BMS1: variants seen among roughly 807,000 people sequenced by gnomAD.
The protein encoded by BMS1 is BMS1 ribosome biogenesis factor.
A neutral mutation model predicts 138.7 loss-of-function variants in BMS1; 53 were observed. The ratio of observed to expected loss-of-function variants is 0.38; its 90% CI spans 0.31 to 0.48. The LOEUF (loss-of-function observed/expected upper bound fraction) is 0.48, where lower values mean the gene tolerates loss of function less well. Among genes scored for constraint, BMS1 ranks in the 20% least tolerant of loss-of-function variants. The pLI is 0.97. For missense variants in BMS1, 1,360 were observed against 1,565.5 expected (o/e 0.87, Z 2.22); for synonymous variants, 504 against 539.9 (o/e 0.93, Z 0.92).
At chr10:42,802,596 C>T (rs1290317125) in intron 13 of BMS1, among the ~76,000 whole-genome samples, 2 of 151,744 alleles carry the variant, frequency 1.3e-5, no homozygotes, top group Non-Finnish European at 2.9e-5. Flanking sequence ...ATTCTACCAA[C>T]CCATAAAAAA....
At chr10:42,823,522 G>A in intron 20 of BMS1, 87 bp from the exon 21 acceptor site, 2 of 1,314,162 alleles carry the variant, frequency 1.5e-6, no homozygotes, top group South Asian at 3.3e-5. Flanking sequence ...AGAGAAGTTT[G>A]GAGTGAAGGT....
At chr10:42,798,380 A>G (rs1564415695) in intron 11 of BMS1, 88 bp from the exon 12 acceptor site, 2 of 1,527,590 alleles carry the variant, frequency 1.3e-6, no homozygotes, top group Non-Finnish European at 1.8e-6. Flanking sequence ...CCTGAGTTCA[A>G]AGACTCATGG....
chr10:42,788,205 T>C (rs1255196914), intron 4 of BMS1, among the ~76,000 whole-genome samples: 5 of 151,652 alleles, frequency 3.3e-5, no homozygotes, highest in African/African-American at 1.2e-4. Context: ...AAATAAGTGT[T>C]ATTATTAACG....
In BMS1 at chr10:42,822,176, T is replaced by C. The variant is rs1372556923; in HGVS notation, c.3124T>C (p.Phe1042Leu). 7.2e-7 allele frequency: 1 copy of C among 1,380,928 alleles called. No individual in the cohort carries two copies. The highest frequency in any genetic ancestry group is 2.3e-5 in the East Asian group (1 of 43,776). 85.5% of individuals were successfully genotyped at this position (1,380,928 alleles called of 1,614,324 possible). Residue 1042 changes from phenylalanine to leucine, a missense_variant, in exon 19 of 23, where the codon TTT becomes CTT. By Grantham distance (22) the Phe-to-Leu change is conservative. Transcript: ENST00000374518. ...ATATAAAATTTTCAAGAACACTTCA[T>C]TTATTAAGGTCTGTATATCTATATA... ...FPYKIFKNTSFIKGMFNSALE... is the reference protein window; with the variant it reads ...FPYKIFKNTSLIKGMFNSALE...
chr10:42,797,085 G>GA lies in BMS1; in HGVS notation c.1847dup (p.Leu617AlafsTer20). On this transcript the variant is annotated frameshift_variant, in exon 10 of 23. Transcript: ENST00000374518. LOFTEE classifies it high-confidence loss of function. ...GACTCAGAAAATGAAGAGGCTATTAGAAAAAAGCTTTCAAAGCCTTCTCAA... is the reference window on the plus strand; with the variant it reads ...GACTCAGAAAATGAAGAGGCTATTAGAAAAAAAGCTTTCAAAGCCTTCTCAA... 6.2e-7 allele frequency: 1 copy of GA among 1,614,198 alleles called. No homozygotes were observed. The highest frequency in any genetic ancestry group is 8.5e-7 in the Non-Finnish European group (1 of 1,180,036).
chr10:42,830,558 A>G (rs1842774113), intron 22 of BMS1, 136 bp downstream of exon 22: 8 of 1,253,542 alleles, frequency 6.4e-6, no homozygotes, highest in East Asian at 5.1e-5. Flanking sequence ...GCCAGAGTCC[A>G]TTTCCCTTTC....
chr10:42,821,319 G>A (rs2132380684), intron 18 of BMS1, among the ~76,000 whole-genome samples: 1 of 152,142 alleles, frequency 6.6e-6, no homozygotes, highest in East Asian at 1.9e-4. Flanking sequence ...CAGCCGTGCA[G>A]GGAGTCCATT....
chr10:42,789,329 C>A (rs1047459797), intron 4 of BMS1, among the ~76,000 whole-genome samples: 1 of 152,256 alleles, frequency 6.6e-6, no homozygotes, highest in East Asian at 1.9e-4. Flanking sequence ...TGCTTTCTCA[C>A]AAGCCCACCT....
chr10:42,831,028 A>G lies in BMS1; in HGVS notation c.3781A>G (p.Ile1261Val). The G allele has an allele frequency of 6.3e-7, 1 of 1,594,658 alleles. No homozygotes were observed. The highest frequency in any genetic ancestry group is 8.6e-7 in the Non-Finnish European group (1 of 1,169,502). ...QKDLRKKLFR[I>V]QGQKERRNQK... The stretch of plus-strand genomic sequence containing the variant: ...GGACCTCAGGAAGAAGCTCTTCAGA[A>G]TTCAGGGGCAGAAGGAAAGAAGAAA... Residue 1261 changes from isoleucine (I) to valine (V), a missense_variant, in exon 23 of 23, where the codon ATT becomes GTT. Around this residue, in one of 3 missense-constraint regions of BMS1, gnomAD observed 425 missense variants for 568.3 expected, o/e 0.75. Coordinates refer to ENST00000374518, the MANE Select transcript of BMS1 (RefSeq NM_014753.4).
At chr10:42,817,899 C>T (rs1842395825) in intron 15 of BMS1, among the ~76,000 whole-genome samples, 1 of 152,178 alleles carries the variant, frequency 6.6e-6, no homozygotes, top group South Asian at 2.1e-4. Context: ...CTTATAGACA[C>T]ACCAGAGCTC....
rs781048088 is a variant in BMS1 at position 42,797,179 on chromosome 10, C to G, written c.1935C>G (p.Leu645=). 1.2e-6 allele frequency: 2 copies of G among 1,612,040 alleles called. No homozygotes were observed. Among genetic ancestry groups the G allele is most frequent in the Non-Finnish European group, 1.7e-6 (2 of 1,179,384 alleles). The change falls in exon 10 of 23, where the codon CTC becomes CTG. Residue 645 remains leucine (L), a synonymous_variant. Coordinates refer to ENST00000374518, the MANE Select transcript of BMS1 (RefSeq NM_014753.4). ...AGACCAGTGATATAGAAAATTTACTCAAAGAGGAAGAAGATTACAAGGAAG... is the reference window on the plus strand; with the variant it reads ...AGACCAGTGATATAGAAAATTTACTGAAAGAGGAAGAAGATTACAAGGAAG... ...IDETSDIENL[L]KEEEDYKEEN...
At chr10:42,804,127 C>T (rs1019301516) in intron 13 of BMS1, among the ~76,000 whole-genome samples, 2 of 152,082 alleles carry the variant, frequency 1.3e-5, no homozygotes, top group Non-Finnish European at 2.9e-5. Flanking sequence ...ATTTATTTAT[C>T]TGTTAACCTG....
intron 5 of BMS1, among the ~76,000 whole-genome samples, 197 bp downstream of exon 5, chr10:42,790,708 G>A (rs548405751): frequency 4.6e-5 from 7 of 152,190 alleles, no homozygotes; most frequent in South Asian, 2.1e-4. Flanking sequence ...AAATTAGTCC[G>A]GTGTGGTGGC....
chr10:42,814,633 C>G (rs117869259), intron 13 of BMS1, among the ~76,000 whole-genome samples: 1 of 152,176 alleles, frequency 6.6e-6, no homozygotes, highest in East Asian at 1.9e-4. Flanking sequence ...TCTGTAGGTC[C>G]TGGTCTACTT....
At chr10:42,799,489 CT>C (rs1841804101) in intron 12 of BMS1, among the ~76,000 whole-genome samples, 1 of 152,202 alleles carries the variant, frequency 6.6e-6, no homozygotes, top group Non-Finnish European at 1.5e-5. Context: ...TTAGATGTCA[CT>C]TCTCACAGAG....
In BMS1 at chr10:42,820,526, C is replaced by T; in HGVS notation, c.2788C>T (p.Arg930Cys). The stretch of plus-strand genomic sequence containing the variant: ...CCCTCAGATGCGTCTGAAGAAACAT[C>T]GCTGGTATAAGAAAATCCTCAAGTC... ...GYVQMRLKKHRWYKKILKSRD... is the reference protein window; with the variant it reads ...GYVQMRLKKHCWYKKILKSRD... The change falls in exon 17 of 23, where the codon CGC becomes TGC. Residue 930 changes from arginine to cysteine, a missense_variant. By Grantham distance (180) the Arg-to-Cys change is radical. This residue lies in a region of BMS1 where 425 missense variants were observed against 568.3 expected (regional missense o/e 0.75). Transcript: ENST00000374518. The T allele has an allele frequency of 3.7e-6, 6 of 1,610,032 alleles. No individual in the cohort carries two copies. Among genetic ancestry groups the T allele is most frequent in the Middle Eastern group, 2.2e-4 (1 of 4,456 alleles).
intron 13 of BMS1, 141 bp from the exon 14 acceptor site, chr10:42,816,458 A>G (rs1842352523): frequency 3.5e-6 from 2 of 571,274 alleles, no homozygotes; most frequent in Non-Finnish European, 3.0e-6. Context: ...CCCTAGTGCA[A>G]AGTTTTGCCT....
In BMS1 at chr10:42,796,711, G is replaced by A. The variant is rs1314524979; in HGVS notation, c.1467G>A (p.Glu489=). Residue 489 remains glutamate (E), a synonymous_variant, in exon 10 of 23, where the codon GAG becomes GAA. Transcript: ENST00000374518. ...AVKGIKRRKL[E]LEEDSEMDLP... is the part of the protein sequence containing the mutation. ...AGGGCATCAAACGACGGAAACTTGA[G>A]TTGGAAGAAGACAGTGAAATGGATT... The A allele has an allele frequency of 6.2e-7, 1 of 1,614,206 alleles. No homozygotes were observed. The highest frequency in any genetic ancestry group is 8.5e-7 in the Non-Finnish European group (1 of 1,180,028).
chr10:42,797,632 C>A, intron 11 of BMS1, 109 bp downstream of exon 11: 1 of 1,020,678 alleles, frequency 9.8e-7, no homozygotes, highest in Non-Finnish European at 1.5e-6. Context: ...TAATTGCTGT[C>A]CATCACATTT....
Sources: allele counts gnomAD v4.1 joint callset (sites outside exome capture counted in the v4.1 genomes callset), GRCh38; gene constraint gnomAD v4.1.1; regional missense constraint gnomAD v4.1.1; transcripts MANE v1.5; gene names NCBI Gene and HGNC (gene_info 2026-07-23, HGNC 2026-07-21).